Variants in STAT3 observed in about 807,000 individuals in gnomAD.
STAT3 encodes signal transducer and activator of transcription 3.
STAT3 carries 7 observed loss-of-function variants against 114.3 expected under a neutral mutation model. The ratio of observed to expected loss-of-function variants is 0.06; its 90% CI spans 0.03 to 0.11. The LOEUF is 0.11. STAT3 is among the 10% of genes least tolerant of loss of function. The probability of loss-of-function intolerance (pLI) is 1.00; values close to 1 mark genes in which losing one functional copy is unlikely to be tolerated. For missense variants in STAT3, 364 were observed against 960.9 expected (o/e 0.38, Z 8.21); for synonymous variants, 331 against 354.5 (o/e 0.93, Z 0.74).
Position 42,362,725 on chromosome 17 carries a change from G to A in STAT3, c.-23-14186C>T, listed in dbSNP as rs536905076. On this transcript the variant is annotated intron_variant, in intron 1 of 23. Coordinates refer to ENST00000264657, the MANE Select transcript of STAT3 (RefSeq NM_139276.3). ...ACAAATTCATCGAGCTAATGAACAC[G>A]TAGCACTCAGGAGCCCAATAGCGTG... is the stretch of plus-strand genomic sequence containing the variant. 5.9e-5 allele frequency among the ~76,000 whole-genome samples: 9 copies of A among 152,270 alleles called. No homozygotes were observed. In the East Asian group the frequency reaches 9.6e-4, roughly 16 times the overall value.
chr17:42,375,786 G>A (rs963264911), intron 1 of STAT3, among the ~76,000 whole-genome samples: 2 of 150,394 alleles, frequency 1.3e-5, no homozygotes, highest in Non-Finnish European at 3.0e-5. Context: ...CCGAGATCGC[G>A]CCATTGCACT....
rs2085119595 is a variant in STAT3 at position 42,386,622 on chromosome 17, C to T, written c.-24+1657G>A. The stretch of plus-strand genomic sequence containing the variant: ...CATGTTGCCCAGACCAGACTCAACT[C>T]CTGGACTCAAGGAATCCTCCCACCT... On this transcript the variant is annotated intron_variant, in intron 1 of 23. Coordinates refer to ENST00000264657, the MANE Select transcript of STAT3 (RefSeq NM_139276.3). 1.3e-5 allele frequency among the ~76,000 whole-genome samples: 2 copies of T among 152,248 alleles called. 1 individual carries two copies.
intron 1 of STAT3, among the ~76,000 whole-genome samples, chr17:42,363,261 C>A (rs903876065): frequency 6.6e-6 from 1 of 152,158 alleles, no homozygotes; most frequent in African/African-American, 2.4e-5. Context: ...CAAGAATGAT[C>A]AAGAATCACT....
At chr17:42,317,877 GAC>G (rs1156459112) in intron 21 of STAT3, among the ~76,000 whole-genome samples, 1 of 152,190 alleles carries the variant, frequency 6.6e-6, no homozygotes, top group Non-Finnish European at 1.5e-5. Context: ...TCAACTAGAA[GAC>G]CGGAGACCTG....
intron 2 of STAT3, 149 bp downstream of exon 2, chr17:42,348,240 G>T (rs1004303938): frequency 5.1e-6 from 6 of 1,181,978 alleles, no homozygotes; most frequent in Non-Finnish European, 7.4e-6. Flanking sequence ...CAAGACCAAA[G>T]GGTGCCCCTT....
chr17:42,371,772 A>G (rs1406361789), intron 1 of STAT3, among the ~76,000 whole-genome samples: 1 of 151,780 alleles, frequency 6.6e-6, no homozygotes, highest in African/African-American at 2.4e-5. Context: ...ACCTGAGCTC[A>G]GGAGTTCAAG....
chr17:42,333,780 G>C lies in STAT3; in HGVS notation c.957-15C>G. ...CCACAAAGGCACTGAGGAAAGAGAA[G>C]ATGGGCTCACGCGCCACGGCCATGA... On this transcript the variant is annotated splice_polypyrimidine_tract_variant and intron_variant, in intron 9 of 23. Coordinates refer to ENST00000264657, the MANE Select transcript of STAT3 (RefSeq NM_139276.3). This position sits in a 1 kb window ranked among gnomAD's most constrained non-coding sequence, Gnocchi z 5.2. 3.7e-6 allele frequency: 6 copies of C among 1,614,222 alleles called. No homozygotes were observed. Among genetic ancestry groups the C allele is most frequent in the Non-Finnish European group, 4.2e-6 (5 of 1,180,044 alleles).
chr17:42,360,153 T>C (rs984556015), intron 1 of STAT3, among the ~76,000 whole-genome samples: 1 of 150,652 alleles, frequency 6.6e-6, no homozygotes, highest in African/African-American at 2.4e-5. Flanking sequence ...TAACGCACAG[T>C]CTGTTTTCGG....
chr17:42,315,441 C>G lies in STAT3; in HGVS notation c.*304G>C, dbSNP rs566824382. ...CTGCTGAGAAAGGAGGGCAGGGGAA[C>G]AAAACAACACAAGACATTTCCTTTT... On this transcript the variant is annotated 3_prime_UTR_variant, in exon 24 of 24. Coordinates refer to ENST00000264657, the MANE Select transcript of STAT3 (RefSeq NM_139276.3). 7 of 521,176 alleles carry G rather than the reference C, an allele frequency of 1.3e-5. No individual in the cohort carries two copies. The highest frequency in any genetic ancestry group is 1.1e-4 in the African/African-American group (6 of 52,478). 32.3% of individuals were successfully genotyped at this position (521,176 alleles called of 1,614,324 possible).
At chr17:42,355,885 C>T (rs181899198) in intron 1 of STAT3, among the ~76,000 whole-genome samples, 7 of 152,166 alleles carry the variant, frequency 4.6e-5, no homozygotes, top group Admixed American at 6.6e-5. Context: ...GGATTTACAA[C>T]GAGGGTGAGG....
chr17:42,337,296 A>G lies in STAT3; in HGVS notation c.797+139T>C. The G allele has an allele frequency of 7.5e-7, 1 of 1,329,178 alleles. No homozygotes were observed. Among genetic ancestry groups the G allele is most frequent in the Non-Finnish European group, 1.0e-6 (1 of 991,246 alleles). 82.3% of individuals were successfully genotyped at this position (1,329,178 alleles called of 1,614,324 possible). On this transcript the variant is annotated intron_variant, in intron 8 of 23. Transcript: ENST00000264657. This position sits in a 1 kb window ranked among gnomAD's most constrained non-coding sequence, Gnocchi z 4.0. ...AGCGCCTGGCCGAAATAAAGTAAAA[A>G]CTTTAATTCTTGGGCTAAATTTGAA...
rs1218405645 is a variant in STAT3, at chr17:42,333,780, G to A, written c.957-15C>T. The A allele has an allele frequency of 6.2e-7, 1 of 1,614,222 alleles. No individual in the cohort carries two copies. The highest frequency in any genetic ancestry group is 1.7e-5 in the Admixed American group (1 of 60,016). ...CCACAAAGGCACTGAGGAAAGAGAA[G>A]ATGGGCTCACGCGCCACGGCCATGA... On this transcript the variant is annotated splice_polypyrimidine_tract_variant and intron_variant, in intron 9 of 23. Coordinates refer to ENST00000264657, the MANE Select transcript of STAT3 (RefSeq NM_139276.3). The surrounding 1 kb of genome is among the most constrained non-coding windows in gnomAD (Gnocchi z 5.2).
intron 20 of STAT3, 113 bp from the exon 21 acceptor site, chr17:42,322,607 T>C (rs757194018): frequency 8.5e-6 from 10 of 1,181,528 alleles, no homozygotes; most frequent in Non-Finnish European, 8.8e-6. Flanking sequence ...CACCCTAGTG[T>C]TGAGACCCTG....
At position 42,333,355 on chromosome 17, in the gene STAT3, G is replaced by A. The variant is rs759986755; in HGVS notation, c.1049+318C>T. On this transcript the variant is annotated intron_variant, in intron 10 of 23. Transcript: ENST00000264657. The surrounding 1 kb of genome is among the most constrained non-coding windows in gnomAD (Gnocchi z 5.2). ...CTTACTCTTTCCCTTAAAATCCACA[G>A]GGAAGAGTAGCCTCAAAGAACAGAA... Among the ~76,000 whole-genome samples the A allele has an allele frequency of 5.9e-5, 9 of 152,186 alleles. No individual in the cohort carries two copies. The highest frequency in any genetic ancestry group is 5.8e-4 in the East Asian group (3 of 5,176).
Position 42,315,152 on chromosome 17 carries a change from G to A in STAT3, c.*593C>T, listed in dbSNP as rs933641992. The A allele has an allele frequency of 3.3e-5, 7 of 212,500 alleles. No homozygotes were observed. Among genetic ancestry groups the A allele is most frequent in the East Asian group, 2.9e-4 (4 of 13,778 alleles). The allele number at this position is 212,500 out of a possible 1,614,324, so 13.2% of individuals were successfully genotyped here. A position where few individuals can be genotyped will look rare whatever the true frequency, so the allele number is the denominator to read the frequency against. On this transcript the variant is annotated 3_prime_UTR_variant, in exon 24 of 24. Transcript: ENST00000264657. ...ATTACAGGCGTGAGCCACCATGCCC[G>A]GCTGCTTAAGTTTCTTAAATACAGA...
At chr17:42,320,644 T>A (rs1018995042) in intron 21 of STAT3, among the ~76,000 whole-genome samples, 9 of 150,142 alleles carry the variant, frequency 6.0e-5, no homozygotes, top group Non-Finnish European at 1.3e-4. Context: ...GCAGGAGAAT[T>A]GCTTGAACCG....
intron 1 of STAT3, among the ~76,000 whole-genome samples, chr17:42,365,485 T>C (rs1395793986): frequency 6.6e-6 from 1 of 152,158 alleles, no homozygotes; most frequent in Non-Finnish European, 1.5e-5. Flanking sequence ...TGATTGCTGC[T>C]TTAGGCCACT....
intron 1 of STAT3, among the ~76,000 whole-genome samples, chr17:42,371,240 G>A (rs1474033039): frequency 6.6e-6 from 1 of 152,098 alleles, no homozygotes; most frequent in African/African-American, 2.4e-5. Context: ...TTTTGGGCAA[G>A]TAGACAGGAG....
intron 1 of STAT3, among the ~76,000 whole-genome samples, chr17:42,361,565 A>G (rs999124844): frequency 1.2e-4 from 18 of 152,126 alleles, no homozygotes; most frequent in Admixed American, 4.6e-4. Flanking sequence ...TAATAAATAT[A>G]ACGAGAACCT....
Sources: allele counts gnomAD v4.1 joint callset (sites outside exome capture counted in the v4.1 genomes callset), GRCh38; gene constraint gnomAD v4.1.1; non-coding constraint Gnocchi (gnomAD v3.1); transcripts MANE v1.5; gene names NCBI Gene and HGNC (gene_info 2026-07-23, HGNC 2026-07-21).